The following LGI3 variants were observed in gnomAD, a reference collection of about 807,000 sequenced individuals.
The protein encoded by LGI3 is leucine rich repeat LGI family member 3, also known as leucine-rich repeat LGI family member 3.
In LGI3, 47 loss-of-function variants were observed where a neutral mutation model predicts 55.4. The ratio of observed to expected loss-of-function variants is 0.85; its 90% CI spans 0.67 to 1.08. LGI3 has a LOEUF of 1.08. LGI3 is among the 50% of genes least tolerant of loss of function. LGI3 has a pLI of 0.00. For synonymous variants in LGI3, 326 were observed against 315.0 expected (o/e 1.04, Z -0.37); for missense variants, 664 against 726.3 (o/e 0.91, Z 0.99).
chr8:22,154,598 T>C lies in LGI3; in HGVS notation c.312A>G (p.Gly104=), dbSNP rs932476036. ...LLNSNKFTLI[G]DNAFTGLSHL... is the part of the protein sequence containing the mutation. ...GCGACAGTCCTGTGAAGGCGTTGTC[T>C]CCAATCAGTGTAAACTTGTTGGAGT... Residue 104 remains glycine (G), a synonymous_variant, in exon 3 of 8, where the codon GGA becomes GGG. Transcript: ENST00000306317. 7.4e-6 allele frequency: 12 copies of C among 1,614,010 alleles called. No homozygotes were observed. The highest frequency in any genetic ancestry group is 1.0e-5 in the Non-Finnish European group (12 of 1,179,926).
intron 2 of LGI3, 183 bp from the exon 3 acceptor site, chr8:22,154,814 A>T: frequency 1.7e-6 from 1 of 589,088 alleles, no homozygotes; most frequent in Non-Finnish European, 3.1e-6. Context: ...TTCTGGCCCC[A>T]GAAGCTCCCA....
At chr8:22,154,806 C>G in intron 2 of LGI3, 175 bp from the exon 3 acceptor site, 1 of 598,642 alleles carries the variant, frequency 1.7e-6, no homozygotes, top group Admixed American at 2.8e-5. Context: ...GGAGCCTGTT[C>G]TGGCCCCAGA....
Position 22,148,592 on chromosome 8 carries a change from A to T in LGI3, c.1215T>A (p.Ser405Arg). ...GGGCCACAAACTGCTTCTGGGTGCG[A>T]CTCCACTGATAGATGACGGGTGCCT... ...SSQAPVIYQW[S>R]RTQKQFVAQG... is the part of the protein sequence containing the mutation. Residue 405 changes from serine to arginine, a missense_variant, in exon 8 of 8, where the codon AGT becomes AGA. Physicochemically the swap from Ser to Arg is moderately radical, Grantham distance 110. Transcript: ENST00000306317. The surrounding 1 kb of genome is among the most constrained non-coding windows in gnomAD (Gnocchi z 7.0). 1 of 1,613,610 alleles carries T rather than the reference A, an allele frequency of 6.2e-7. No individual in the cohort carries two copies. Among genetic ancestry groups the T allele is most frequent in the East Asian group, 2.2e-5 (1 of 44,856 alleles).
At chr8:22,155,623 C>A in intron 1 of LGI3, 160 bp from the exon 2 acceptor site, 2 of 644,520 alleles carry the variant, frequency 3.1e-6, no homozygotes, top group Admixed American at 4.8e-5. Context: ...CTTCTCCTCC[C>A]AAATTCACTG....
In LGI3 at chr8:22,148,867, G is replaced by T. The variant is rs199514520; in HGVS notation, c.940C>A (p.Arg314Ser). ...TCAATGTCTTGCAGCCTGGTGAAGC[G>T]CGTGGTGTTGGGATCCCAGTGGTAA... ...YIYHWDPNTT[R>S]FTRLQDIDPQ... Residue 314 changes from arginine (R) to serine (S), a missense_variant, in exon 8 of 8, where the codon CGC becomes AGC. Coordinates refer to ENST00000306317, the MANE Select transcript of LGI3 (RefSeq NM_139278.4). This position sits in a 1 kb window ranked among gnomAD's most constrained non-coding sequence, Gnocchi z 7.0. 3.2e-5 allele frequency: 52 copies of T among 1,614,032 alleles called. No individual in the cohort carries two copies. The highest frequency in any genetic ancestry group is 4.1e-5 in the Non-Finnish European group (48 of 1,180,026).
chr8:22,152,064 C>CAGGGCTCTCAA, intron 5 of LGI3, 64 bp from the exon 6 acceptor site: 2 of 1,342,566 alleles, frequency 1.5e-6, no homozygotes. Context: ...TCTGCCTACC[C>CAGGGCTCTCAA]AGGCCCTCCA....
chr8:22,154,499 C>T, intron 3 of LGI3, 61 bp downstream of exon 3: 1 of 1,466,802 alleles, frequency 6.8e-7, no homozygotes, highest in Non-Finnish European at 9.6e-7. Flanking sequence ...GTCCCTCGGC[C>T]TCCCAGGCCT....
intron 7 of LGI3, among the ~76,000 whole-genome samples, chr8:22,150,248 T>C (rs1438622605): frequency 2.0e-5 from 3 of 152,142 alleles, no homozygotes; most frequent in Admixed American, 6.5e-5. Context: ...GAAGGTGTTT[T>C]GTTTTTGTTT....
intron 2 of LGI3, chr8:22,154,949 C>A: frequency 2.2e-6 from 1 of 446,478 alleles, no homozygotes; most frequent in Non-Finnish European, 4.1e-6. Context: ...TCCAGCCCCT[C>A]ATGGACAACT....
At chr8:22,151,450 C>A (rs1177906735) in intron 7 of LGI3, 39 bp downstream of exon 7, 2 of 1,605,140 alleles carry the variant, frequency 1.2e-6, no homozygotes, top group South Asian at 1.1e-5. Flanking sequence ...CCCCCCTCCC[C>A]CTAGCAAGGG....
chr8:22,156,593 G>A lies in LGI3; in HGVS notation c.-51C>T. On this transcript the variant is annotated 5_prime_UTR_variant, in exon 1 of 8. Coordinates refer to ENST00000306317, the MANE Select transcript of LGI3 (RefSeq NM_139278.4). ...CGGCGGCCGCGGCCCCCGCCCCACC[G>A]CTCCCGCGGCTGGGCCACCCCGCGC... 1 of 672,920 alleles carries A rather than the reference G, an allele frequency of 1.5e-6. No individual in the cohort carries two copies. Among genetic ancestry groups the A allele is most frequent in the East Asian group, 4.3e-5 (1 of 23,034 alleles). The allele number at this position is 672,920 out of a possible 1,614,324, so 41.7% of individuals were successfully genotyped here. A position where few individuals can be genotyped will look rare whatever the true frequency, so the allele number is the denominator to read the frequency against.
At chr8:22,151,462 C>T (rs557017548) in intron 7 of LGI3, 27 bp downstream of exon 7, 1 of 1,610,838 alleles carries the variant, frequency 6.2e-7, no homozygotes, top group South Asian at 1.1e-5. Context: ...TAGCAAGGGC[C>T]AGCAGAACCA....
chr8:22,153,660 T>C (rs572946593), intron 5 of LGI3, among the ~76,000 whole-genome samples: 3 of 151,464 alleles, frequency 2.0e-5, no homozygotes, highest in Non-Finnish European at 2.9e-5. Flanking sequence ...TGAGCCGAGA[T>C]TGTGCCACTG....
At position 22,148,459 on chromosome 8, in the gene LGI3, G is replaced by C. The variant is rs746888946; in HGVS notation, c.1348C>G (p.Arg450Gly). The change falls in exon 8 of 8, where the codon CGC becomes GGC. Residue 450 changes from arginine to glycine, a missense_variant. Physicochemically the swap from Arg to Gly is moderately radical, Grantham distance 125 (BLOSUM62 -2). Coordinates refer to ENST00000306317, the MANE Select transcript of LGI3 (RefSeq NM_139278.4). The surrounding 1 kb of genome is among the most constrained non-coding windows in gnomAD (Gnocchi z 7.0). ...SRYIGDSKIL[R>G]WEGTRFSEVQ... ...TCCGAGAAGCGGGTACCCTCCCAGC[G>C]CAGGATCTTGGAGTCGCCAATGTAG... 2 of 1,612,170 alleles carry C rather than the reference G, an allele frequency of 1.2e-6. No individual in the cohort carries two copies. The highest frequency in any genetic ancestry group is 1.7e-6 in the Non-Finnish European group (2 of 1,179,944).
In LGI3 at chr8:22,147,906, G is replaced by C. The variant is rs1295789793; in HGVS notation, c.*254C>G. 4.1e-6 allele frequency: 2 copies of C among 491,736 alleles called. No homozygotes were observed. Among genetic ancestry groups the C allele is most frequent in the South Asian group, 5.4e-5 (2 of 37,076 alleles). 30.5% of individuals were successfully genotyped at this position (491,736 alleles called of 1,614,324 possible). A position where few individuals can be genotyped will look rare whatever the true frequency, so the allele number is the denominator to read the frequency against. On this transcript the variant is annotated 3_prime_UTR_variant, in exon 8 of 8. Transcript: ENST00000306317. ...ATGGGAAAGGCTGCAGAGTAGGGGGGGCCTGCAGTTGGGGTCACGGGAACT... is the reference window on the plus strand; with the variant it reads ...ATGGGAAAGGCTGCAGAGTAGGGGGCGCCTGCAGTTGGGGTCACGGGAACT...
In LGI3 at chr8:22,154,631, C is replaced by A; in HGVS notation, c.279G>T (p.Leu93Phe). Residue 93 changes from leucine (L) to phenylalanine (F), a missense_variant and splice_region_variant, in exon 3 of 8, where the codon TTG becomes TTT. Coordinates refer to ENST00000306317, the MANE Select transcript of LGI3 (RefSeq NM_139278.4). ...GTGTAAACTTGTTGGAGTTGAGTAA[C>A]CTGCAGAGACAAAGGTGGAATTAGA... Reference protein sequence around the residue: ...AFSHLPLLQFLLLNSNKFTLI... With the variant: ...AFSHLPLLQFFLLNSNKFTLI... The A allele has an allele frequency of 6.2e-7, 1 of 1,612,502 alleles. No homozygotes were observed.
At chr8:22,151,706 C>T in intron 6 of LGI3, 53 bp from the exon 7 acceptor site, 1 of 1,593,988 alleles carries the variant, frequency 6.3e-7, no homozygotes, top group Non-Finnish European at 8.6e-7. Flanking sequence ...GGAAGGGCTG[C>T]TTGGGTGATG....
At position 22,155,467 on chromosome 8, in the gene LGI3, C is replaced by T. The variant is rs769998237; in HGVS notation, c.207-4G>A. ...GAAGGCGGCATTCACCAGGGTCCTG[C>T]GGGGACACCCGAGTCAGTACTGTGG... On this transcript the variant is annotated splice_polypyrimidine_tract_variant and splice_region_variant and intron_variant, in intron 1 of 7. Transcript: ENST00000306317. 5.6e-6 allele frequency: 9 copies of T among 1,613,318 alleles called. No homozygotes were observed. Among genetic ancestry groups the T allele is most frequent in the East Asian group, 2.2e-5 (1 of 44,878 alleles).
Position 22,148,746 on chromosome 8 carries a change from G to A in LGI3, c.1061C>T (p.Thr354Ile), listed in dbSNP as rs1174380477. ...ATTCTGGTGCCAGCGGTAGAGGCTGGTGGCGCCTGCCTTGGAGCTGTCAGC... is the reference window on the plus strand; with the variant it reads ...ATTCTGGTGCCAGCGGTAGAGGCTGATGGCGCCTGCCTTGGAGCTGTCAGC... Reference protein sequence around the residue: ...AVADSSKAGATSLYRWHQNGF... With the variant: ...AVADSSKAGAISLYRWHQNGF... The change falls in exon 8 of 8, where the codon ACC becomes ATC. Residue 354 changes from threonine to isoleucine, a missense_variant. Thr to Ile is a moderately conservative substitution (Grantham distance 89, BLOSUM62 -1). Coordinates refer to ENST00000306317, the MANE Select transcript of LGI3 (RefSeq NM_139278.4). The surrounding 1 kb of genome is among the most constrained non-coding windows in gnomAD (Gnocchi z 7.0). 5 of 1,614,064 alleles carry A rather than the reference G, an allele frequency of 3.1e-6. No individual in the cohort carries two copies. Among genetic ancestry groups the A allele is most frequent in the African/African-American group, 1.3e-5 (1 of 74,938 alleles).
Sources: gnomAD v4.1 joint callset for allele counts (sites outside exome capture counted in the v4.1 genomes callset) on GRCh38, gnomAD v4.1.1 for gene constraint, Gnocchi (gnomAD v3.1) non-coding constraint, MANE v1.5 for transcripts, NCBI Gene and HGNC (gene_info 2026-07-23, HGNC 2026-07-21) for gene names.